The following RMDN1 variants were observed in gnomAD, a reference collection of about 807,000 sequenced individuals.
RMDN1 encodes regulator of microtubule dynamics protein 1.
In RMDN1, 48 loss-of-function variants were observed where a neutral mutation model predicts 48.9. The ratio of observed to expected loss-of-function variants is 0.98; its 90% CI spans 0.78 to 1.25. The LOEUF is 1.25. RMDN1 is among the 50% of genes most tolerant of loss of function. The probability of loss-of-function intolerance (pLI) is 0.00; values close to 1 mark genes in which losing one functional copy is unlikely to be tolerated. For missense variants in RMDN1, 418 were observed against 373.4 expected (o/e 1.12, Z -0.98); for synonymous variants, 148 against 132.6 (o/e 1.12, Z -0.80).
Position 86,473,489 on chromosome 8 carries a change from G to T in RMDN1, c.*819C>A. 7.1e-6 allele frequency: 7 copies of T among 985,312 alleles called. No individual in the cohort carries two copies. Among genetic ancestry groups the T allele is most frequent in the Non-Finnish European group, 8.4e-6 (7 of 829,792 alleles). The allele number at this position is 985,312 out of a possible 1,614,324, so 61.0% of individuals were successfully genotyped here. On this transcript the variant is annotated 3_prime_UTR_variant, in exon 10 of 10. Transcript: ENST00000406452. The stretch of plus-strand genomic sequence containing the variant: ...CACCACATTTAAAGTAAACTGGCCA[G>T]GTGCGGTGGCTCACGCCTGTAATCC...
At position 86,473,055 on chromosome 8, in the gene RMDN1, AC is replaced by A. The variant is rs1812796934; in HGVS notation, c.*1252del. ...AACATCCCAAATCCAAGATGCTTCT[AC>A]TAGTCCCAAGTATTTCAGATAAGGG... On this transcript the variant is annotated 3_prime_UTR_variant, in exon 10 of 10. Coordinates refer to ENST00000406452, the MANE Select transcript of RMDN1 (RefSeq NM_016033.3). 1 of 937,204 alleles carries A rather than the reference AC, an allele frequency of 1.1e-6. No homozygotes were observed. The highest frequency in any genetic ancestry group is 6.2e-5 in the Admixed American group (1 of 16,230). The allele number at this position is 937,204 out of a possible 1,614,324, so 58.1% of individuals were successfully genotyped here. A position where few individuals can be genotyped will look rare whatever the true frequency, so the allele number is the denominator to read the frequency against.
rs938569845 is a variant in RMDN1 at position 86,492,634 on chromosome 8, C to A, written c.248-3995G>T. Among the ~76,000 whole-genome samples, 8 of 148,938 alleles carry A rather than the reference C, an allele frequency of 5.4e-5. No homozygotes were observed. In the Admixed American group the frequency reaches 5.5e-4, roughly 10 times the overall value. ...CACCAATGCACTCTAGCCTGGGGTACAGAGCAAGACTCCGCCTTAATAATA... is the reference window on the plus strand; with the variant it reads ...CACCAATGCACTCTAGCCTGGGGTAAAGAGCAAGACTCCGCCTTAATAATA... On this transcript the variant is annotated intron_variant, in intron 2 of 9. Coordinates refer to ENST00000406452, the MANE Select transcript of RMDN1 (RefSeq NM_016033.3).
At position 86,508,585 on chromosome 8, in the gene RMDN1, A is replaced by T; in HGVS notation, c.36T>A (p.Pro12=). The T allele has an allele frequency of 6.2e-7, 1 of 1,604,868 alleles. No individual in the cohort carries two copies. The highest frequency in any genetic ancestry group is 8.5e-7 in the Non-Finnish European group (1 of 1,177,000). Residue 12 remains proline (P), a synonymous_variant, in exon 1 of 10, where the codon CCT becomes CCA. Coordinates refer to ENST00000406452, the MANE Select transcript of RMDN1 (RefSeq NM_016033.3). ...ALAARLWRLL[P]FRRGAAPGSR... is the part of the protein sequence containing the mutation. ...ACCCCGGGGCGGCTCCACGTCGGAA[A>T]GGCAGAAGGCGCCACAGTCGAGCAG...
chr8:86,507,124 A>C lies in RMDN1; in HGVS notation c.130-12T>G, dbSNP rs780274721. On this transcript the variant is annotated splice_polypyrimidine_tract_variant and intron_variant, in intron 1 of 9. Coordinates refer to ENST00000406452, the MANE Select transcript of RMDN1 (RefSeq NM_016033.3). ...GGGTTTCCCATTACCTATGGAAACA[A>C]TTATGTTAAGAGTTACAAACTTTGA... is the stretch of plus-strand genomic sequence containing the variant. The C allele has an allele frequency of 4.0e-6, 6 of 1,510,500 alleles. No individual in the cohort carries two copies. Among genetic ancestry groups the C allele is most frequent in the Non-Finnish European group, 5.5e-6 (6 of 1,086,452 alleles). The allele number at this position is 1,510,500 out of a possible 1,614,324, so 93.6% of individuals were successfully genotyped here. A position where few individuals can be genotyped will look rare whatever the true frequency, so the allele number is the denominator to read the frequency against.
At chr8:86,497,103 A>G (rs1258310298) in intron 2 of RMDN1, among the ~76,000 whole-genome samples, 1 of 152,214 alleles carries the variant, frequency 6.6e-6, no homozygotes, top group Admixed American at 6.5e-5. Context: ...GAAAACAAAG[A>G]TTTACCATCC....
At chr8:86,486,783 TA>T in intron 3 of RMDN1, 140 bp from the exon 4 acceptor site, 1 of 506,858 alleles carries the variant, frequency 2.0e-6, no homozygotes, top group Non-Finnish European at 3.2e-6. Context: ...GTAATAATGC[TA>T]AATTTATTAT....
chr8:86,486,643 A>AT lies in RMDN1; in HGVS notation c.336-1_336insA (p.Ser112ArgfsTer2). ...AACGCCACAGTAACTCTGCATCTTCACTAATTTGAAATAAAATATAAAACA... is the reference window on the plus strand; with the variant it reads ...AACGCCACAGTAACTCTGCATCTTCATCTAATTTGAAATAAAATATAAAACA... On this transcript the variant is annotated frameshift_variant and splice_region_variant. Coordinates refer to ENST00000406452, the MANE Select transcript of RMDN1 (RefSeq NM_016033.3). LOFTEE classifies it high-confidence loss of function. 2 of 1,579,032 alleles carry AT rather than the reference A, an allele frequency of 1.3e-6. No homozygotes were observed. The highest frequency in any genetic ancestry group is 1.7e-6 in the Non-Finnish European group (2 of 1,164,566).
At chr8:86,497,633 G>A (rs113112543) in intron 2 of RMDN1, among the ~76,000 whole-genome samples, 97 of 151,392 alleles carry the variant, frequency 6.4e-4, no homozygotes, top group Middle Eastern at 3.4e-3. Flanking sequence ...CTCGGGAGGC[G>A]GAGGCTGCAG....
chr8:86,486,988 AACTC>A (rs1234602564), intron 3 of RMDN1, among the ~76,000 whole-genome samples: 2 of 152,218 alleles, frequency 1.3e-5, no homozygotes, highest in African/African-American at 2.4e-5. Context: ...TGTTTCAAAT[AACTC>A]ACTCAGTAGT....
In RMDN1 at chr8:86,473,765, C is replaced by CA. The variant is rs1263445981; in HGVS notation, c.*542dup. The stretch of plus-strand genomic sequence containing the variant: ...TGGGAAACAAAGTGAGACTCTGTCT[C>CA]AAAAAAATAAAAAAGGAAACTACTC... On this transcript the variant is annotated 3_prime_UTR_variant, in exon 10 of 10. Coordinates refer to ENST00000406452, the MANE Select transcript of RMDN1 (RefSeq NM_016033.3). 4.2e-6 allele frequency: 4 copies of CA among 949,748 alleles called. No homozygotes were observed. Among genetic ancestry groups the CA allele is most frequent in the African/African-American group, 3.6e-5 (2 of 56,326 alleles). 58.8% of individuals were successfully genotyped at this position (949,748 alleles called of 1,614,324 possible).
At chr8:86,481,799 T>A in intron 5 of RMDN1, 1 of 1,098,580 alleles carries the variant, frequency 9.1e-7, no homozygotes, top group Non-Finnish European at 1.2e-6. Context: ...CATCTTCATT[T>A]TTTTTGTAGA....
intron 3 of RMDN1, among the ~76,000 whole-genome samples, chr8:86,486,995 T>G (rs1274835871): frequency 5.3e-5 from 8 of 152,198 alleles, no homozygotes; most frequent in Middle Eastern, 3.2e-3. Context: ...AATAACTCAC[T>G]CAGTAGTTCA....
At chr8:86,493,004 TAA>T (rs571031080) in intron 2 of RMDN1, among the ~76,000 whole-genome samples, 1 of 141,910 alleles carries the variant, frequency 7.0e-6, no homozygotes. Context: ...ATCAATTCCT[TAA>T]AAAAAAAAAA....
At chr8:86,501,031 C>T (rs1818123022) in intron 2 of RMDN1, among the ~76,000 whole-genome samples, 2 of 152,172 alleles carry the variant, frequency 1.3e-5, no homozygotes, top group South Asian at 4.1e-4. Context: ...GAACAATAGA[C>T]GCTGGGGCCT....
At chr8:86,511,538 G>C (rs1356338030), upstream of RMDN1, among the ~76,000 whole-genome samples, 1 of 152,010 alleles carries the variant, frequency 6.6e-6, no homozygotes, top group African/African-American at 2.4e-5. Flanking sequence ...GGCTGGGCGT[G>C]GTGCCTCATG....
At chr8:86,490,681 G>A (rs1033424333) in intron 2 of RMDN1, among the ~76,000 whole-genome samples, 1 of 152,124 alleles carries the variant, frequency 6.6e-6, no homozygotes, top group Non-Finnish European at 1.5e-5. Context: ...TGTCACAGCA[G>A]TGAAAGAAAA....
At chr8:86,501,032 G>A (rs760272647) in intron 2 of RMDN1, among the ~76,000 whole-genome samples, 35 of 152,026 alleles carry the variant, frequency 2.3e-4, no homozygotes, top group Non-Finnish European at 4.6e-4. Context: ...AACAATAGAC[G>A]CTGGGGCCTA....
chr8:86,472,507 T>C lies in RMDN1; in HGVS notation c.*1801A>G, dbSNP rs1812708706. 1 of 701,112 alleles carries C rather than the reference T, an allele frequency of 1.4e-6. No homozygotes were observed. The highest frequency in any genetic ancestry group is 1.7e-5 in the African/African-American group (1 of 57,206). The allele number at this position is 701,112 out of a possible 1,614,324, so 43.4% of individuals were successfully genotyped here. A position where few individuals can be genotyped will look rare whatever the true frequency, so the allele number is the denominator to read the frequency against. ...ACAAAAATAAAATTACAGTATACAA[T>C]AACCTTTTAAAATACAGCATCATTA... On this transcript the variant is annotated 3_prime_UTR_variant, in exon 10 of 10. Coordinates refer to ENST00000406452, the MANE Select transcript of RMDN1 (RefSeq NM_016033.3).
chr8:86,502,613 C>T (rs1261395708), intron 2 of RMDN1, among the ~76,000 whole-genome samples: 3 of 151,882 alleles, frequency 2.0e-5, no homozygotes, highest in African/African-American at 4.8e-5. Flanking sequence ...TTCTTTTTTT[C>T]GCTTTCAACT....
Sources: gnomAD v4.1 joint callset for allele counts (sites outside exome capture counted in the v4.1 genomes callset) on GRCh38, gnomAD v4.1.1 for gene constraint, MANE v1.5 for transcripts, NCBI Gene and HGNC (gene_info 2026-07-23, HGNC 2026-07-21) for gene names.